The following PLD4 variants were observed in gnomAD, a reference collection of about 807,000 sequenced individuals.
The protein encoded by PLD4 is 5'-3' exonuclease PLD4.
Under a neutral mutation model 52.3 loss-of-function variants are expected in PLD4, and 54 were observed. The observed-to-expected ratio is 1.03, with a 90% CI of 0.83 to 1.30. The LOEUF is 1.30. Ranked by LOEUF, PLD4 falls within the 50% of genes most tolerant of loss-of-function variation. The pLI is 0.00. For synonymous variants in PLD4, 264 were observed against 286.5 expected, an observed-to-expected ratio of 0.92 and a Z score of 0.79; for missense variants, 731 against 671.1, an observed-to-expected ratio of 1.09 and a Z score of -0.99.
intron 1 of PLD4, among the ~76,000 whole-genome samples, chr14:104,926,348 C>T (rs1897455624): frequency 6.6e-6 from 1 of 152,166 alleles, no homozygotes; most frequent in African/African-American, 2.4e-5. Flanking sequence ...CCCATGGTGG[C>T]ACCTGGGGCA....
Position 104,927,744 on chromosome 14 carries a change from GCC to G in PLD4, c.165_166del (p.Arg56SerfsTer90), listed in dbSNP as rs779334318. 2.5e-6 allele frequency: 4 copies of G among 1,598,522 alleles called. No homozygotes were observed. Among genetic ancestry groups the G allele is most frequent in the Non-Finnish European group, 3.4e-6 (4 of 1,176,260 alleles). On this transcript the variant is annotated frameshift_variant, in exon 3 of 11. Transcript: ENST00000392593. LOFTEE classifies it high-confidence loss of function. ...VALICLLWQV[P>X]RPPTWGQVQP... ...CTCTTATCTGCCTCCTGTGGCAAGT[GCC>G]CCGTCCTCCCACCTGGGGCCAGGTG...
chr14:104,933,552 G>T (rs1278749492), downstream of PLD4: 8 of 147,892 alleles, frequency 5.4e-5, no homozygotes, highest in African/African-American at 2.0e-4. Flanking sequence ...GCAGACCAAG[G>T]CGCAGCGCCG....
downstream of PLD4, chr14:104,935,178 G>T (rs978997570): frequency 1.3e-5 from 2 of 152,298 alleles, no homozygotes; most frequent in Admixed American, 1.3e-4. Context: ...TGCCCTCCAG[G>T]GTTGCACGTG....
intron 4 of PLD4, 101 bp downstream of exon 4, chr14:104,929,033 G>C (rs1172922507): frequency 2.8e-6 from 4 of 1,415,262 alleles, no homozygotes; most frequent in African/African-American, 2.9e-5. Flanking sequence ...CGGGGGCTCA[G>C]CTTGGTGGTA....
intron 1 of PLD4, among the ~76,000 whole-genome samples, chr14:104,925,481 C>A (rs1387864759): frequency 6.6e-6 from 1 of 152,126 alleles, no homozygotes; most frequent in Non-Finnish European, 1.5e-5. Context: ...CTGCAAGAGG[C>A]AGCGCCTCTG....
chr14:104,932,715 AGG>A lies in PLD4; in HGVS notation c.1322-47_1322-46del, dbSNP rs1328882791. On this transcript the variant is annotated intron_variant, in intron 10 of 10. Transcript: ENST00000392593. The surrounding 1 kb of genome is among the most constrained non-coding windows in gnomAD (Gnocchi z 6.5). ...GGGCCTGGCGCTGAGCGGGCTGCAG[AGG>A]GGCCTGTGGGAGCCGGCGCCCCAGT... The A allele has an allele frequency of 6.8e-7, 1 of 1,463,664 alleles. No individual in the cohort carries two copies. The highest frequency in any genetic ancestry group is 2.3e-5 in the Admixed American group (1 of 42,582). The allele number at this position is 1,463,664 out of a possible 1,614,324, so 90.7% of individuals were successfully genotyped here.
chr14:104,927,508 G>A (rs1325513534), intron 2 of PLD4, among the ~76,000 whole-genome samples, 165 bp from the exon 3 acceptor site: 1 of 152,192 alleles, frequency 6.6e-6, no homozygotes, highest in Non-Finnish European at 1.5e-5. Flanking sequence ...GGCCTTCTCT[G>A]TATCACCCTC....
Position 104,932,435 on chromosome 14 carries a change from G to A in PLD4, c.1321+80G>A, listed in dbSNP as rs372653360. 9 of 1,476,840 alleles carry A rather than the reference G, an allele frequency of 6.1e-6. No individual in the cohort carries two copies. The highest frequency in any genetic ancestry group is 2.8e-5 in the African/African-American group (2 of 72,324). 91.5% of individuals were successfully genotyped at this position (1,476,840 alleles called of 1,614,324 possible). A position where few individuals can be genotyped will look rare whatever the true frequency, so the allele number is the denominator to read the frequency against. ...GGGAGGCACTGGCTTTGTGACCGGC[G>A]TGGACACCTCAGGAGGGAGGGGCTG... On this transcript the variant is annotated intron_variant, in intron 10 of 10. Coordinates refer to ENST00000392593, the MANE Select transcript of PLD4 (RefSeq NM_138790.5). This position sits in a 1 kb window ranked among gnomAD's most constrained non-coding sequence, Gnocchi z 6.5.
At chr14:104,929,895 T>A in intron 5 of PLD4, 83 bp from the exon 6 acceptor site, 3 of 1,507,064 alleles carry the variant, frequency 2.0e-6, no homozygotes, top group Non-Finnish European at 2.7e-6. Flanking sequence ...TCAACCCCAC[T>A]GTCAAGAGCT....
downstream of PLD4, chr14:104,936,740 G>C (rs1322696287): frequency 6.6e-6 from 1 of 152,320 alleles, no homozygotes; most frequent in East Asian, 1.9e-4. Context: ...AGGGAGCTGG[G>C]GGCAAGTTCC....
rs1017887429 is a variant in PLD4 at position 104,929,232 on chromosome 14, G to A, written c.469-75G>A. ...CAGTCATAGGTGGGCCTCCTGAGGA[G>A]GACATGGGTCCTAGTGGGGATGCGG... On this transcript the variant is annotated intron_variant, in intron 4 of 10. Transcript: ENST00000392593. The A allele has an allele frequency of 3.9e-6, 6 of 1,551,702 alleles. No individual in the cohort carries two copies. The African/African-American group carries it at 6.8e-5, about 18-fold the overall frequency.
chr14:104,929,023 C>G, intron 4 of PLD4, 91 bp downstream of exon 4: 7 of 1,449,182 alleles, frequency 4.8e-6, no homozygotes, highest in Non-Finnish European at 6.5e-6. Flanking sequence ...GCACCAGGCC[C>G]GGGGGCTCAG....
In PLD4 at chr14:104,924,918, G is replaced by GCCTGC. The variant is rs2140793173; in HGVS notation, c.-70_-66dup. The GCCTGC allele has an allele frequency of 6.5e-6, 1 of 153,108 alleles. No homozygotes were observed. Among genetic ancestry groups the GCCTGC allele is most frequent in the African/African-American group, 2.4e-5 (1 of 41,590 alleles). The allele number at this position is 153,108 out of a possible 1,614,324, so 9.5% of individuals were successfully genotyped here. On this transcript the variant is annotated 5_prime_UTR_variant, in exon 1 of 11. Transcript: ENST00000392593. The surrounding 1 kb of genome is among the most constrained non-coding windows in gnomAD (Gnocchi z 4.4). ...TGGTGTGGAGCACAGGCAGCACCGAGCCTGCCCCGTGAGCTGAGGGCCTGC... is the reference window on the plus strand; with the variant it reads ...TGGTGTGGAGCACAGGCAGCACCGAGCCTGCCCTGCCCCGTGAGCTGAGGGCCTGC...
Position 104,933,028 on chromosome 14 carries a change from G to A in PLD4, c.*64G>A. The stretch of plus-strand genomic sequence containing the variant: ...GCGCCCTCCCCTCTGACCCCGGCCT[G>A]GGCTTCAGCCGCTTCCTCCCGCAAG... On this transcript the variant is annotated 3_prime_UTR_variant, in exon 11 of 11. Coordinates refer to ENST00000392593, the MANE Select transcript of PLD4 (RefSeq NM_138790.5). 6.8e-7 allele frequency: 1 copy of A among 1,462,674 alleles called. No homozygotes were observed. Among genetic ancestry groups the A allele is most frequent in the Non-Finnish European group, 9.0e-7 (1 of 1,105,064 alleles). 90.6% of individuals were successfully genotyped at this position (1,462,674 alleles called of 1,614,324 possible).
Position 104,930,105 on chromosome 14 carries a change from G to A in PLD4, c.717G>A (p.Gln239=). 4 of 1,613,258 alleles carry A rather than the reference G, an allele frequency of 2.5e-6. No homozygotes were observed. The highest frequency in any genetic ancestry group is 3.4e-6 in the Non-Finnish European group (4 of 1,179,968). Reference sequence around the variant, plus strand: ...ACATGGACTGGCGGTCTCTGACGCAGGTGAGTGCCAGGGCCCTAACACAGG... The same window carrying A: ...ACATGGACTGGCGGTCTCTGACGCAAGTGAGTGCCAGGGCCCTAACACAGG... ...SANMDWRSLT[Q]VKELGAVIYN... The change falls in exon 6 of 11, where the codon CAG becomes CAA. Residue 239 remains glutamine, a splice_region_variant and synonymous_variant. Coordinates refer to ENST00000392593, the MANE Select transcript of PLD4 (RefSeq NM_138790.5).
intron 2 of PLD4, 93 bp downstream of exon 2, chr14:104,927,323 G>T: frequency 1.8e-6 from 2 of 1,141,414 alleles, no homozygotes; most frequent in Non-Finnish European, 2.4e-6. Context: ...GCAGCCTTGA[G>T]GGGGCCTCCA....
intron 3 of PLD4, 21 bp downstream of exon 3, chr14:104,927,887 C>T (rs754202892): frequency 1.3e-6 from 2 of 1,535,918 alleles, no homozygotes; most frequent in Non-Finnish European, 8.8e-7. Context: ...CCATGGAGGC[C>T]TGCGGGGGCA....
chr14:104,932,679 A>G lies in PLD4; in HGVS notation c.1322-86A>G. ...AGGGGCCAGCTGCCAACCGTCCCCA[A>G]ACCCGTAGCCGGGCCTGGCGCTGAG... On this transcript the variant is annotated intron_variant, in intron 10 of 10. Transcript: ENST00000392593. The surrounding 1 kb of genome is among the most constrained non-coding windows in gnomAD (Gnocchi z 6.5). The G allele has an allele frequency of 7.4e-7, 1 of 1,358,256 alleles. No homozygotes were observed. Among genetic ancestry groups the G allele is most frequent in the Non-Finnish European group, 9.9e-7 (1 of 1,015,144 alleles). 84.1% of individuals were successfully genotyped at this position (1,358,256 alleles called of 1,614,324 possible).
At chr14:104,930,509 T>C (rs1897606136) in intron 6 of PLD4, 2 of 593,970 alleles carry the variant, frequency 3.4e-6, no homozygotes, top group Non-Finnish European at 6.0e-6. Flanking sequence ...GTTTTTGTAA[T>C]AAACGTGTAT....
Sources: allele counts gnomAD v4.1 joint callset (sites outside exome capture counted in the v4.1 genomes callset), GRCh38; gene constraint gnomAD v4.1.1; non-coding constraint Gnocchi (gnomAD v3.1); transcripts MANE v1.5; gene names NCBI Gene and HGNC (gene_info 2026-07-23, HGNC 2026-07-21).